POMGNT2: variants seen among roughly 807,000 people sequenced by gnomAD.
POMGNT2 encodes protein O-linked mannose N-acetylglucosaminyltransferase 2 (beta 1,4-).
POMGNT2 carries 32 observed loss-of-function variants against 37.8 expected under a neutral mutation model. The ratio of observed to expected loss-of-function variants is 0.85; its 90% confidence interval spans 0.64 to 1.14. POMGNT2 has a LOEUF of 1.14. Among genes scored for constraint, POMGNT2 ranks in the 50% most tolerant of loss-of-function variants. The pLI is 0.00. For synonymous variants in POMGNT2, 340 were observed against 336.8 expected (o/e 1.01, Z -0.10); for missense variants, 705 against 780.6 (o/e 0.90, Z 1.15).
In POMGNT2 at chr3:43,081,036, G is replaced by C. The variant is rs150567400; in HGVS notation, c.396C>G (p.Phe132Leu). The part of the protein sequence containing the change: ...VEDHNTQYFN[F>L]VELPAAALRF... ...GCAGGGCAGCAGCAGGCAGCTCCAC[G>C]AAGTTGAAGTACTGAGTGTTGTGGT... Residue 132 changes from phenylalanine to leucine, a missense_variant, in exon 2 of 2, where the codon TTC (phenylalanine) becomes TTG (leucine). Physicochemically the swap from Phe to Leu is conservative, Grantham distance 22. Coordinates refer to ENST00000344697, the MANE Select transcript of POMGNT2 (RefSeq NM_032806.6). 139 of 1,614,118 alleles carry C rather than the reference G, an allele frequency of 8.6e-5. No homozygotes were observed. Among genetic ancestry groups the C allele is most frequent in the Non-Finnish European group, 1.1e-4 (128 of 1,180,044 alleles).
Position 43,080,918 on chromosome 3 carries a change from G to A in POMGNT2, c.514C>T (p.Leu172=), listed in dbSNP as rs376364098. Residue 172 remains leucine (L), a synonymous_variant, in exon 2 of 2, where the codon CTG becomes TTG. Transcript: ENST00000344697. ...DNLMHVFHDD[L]LPLFYTLRQF... ...CGCAGGGTGTAGAAGAGTGGCAGCA[G>A]GTCGTCATGAAAGACGTGCATGAGG... 3 of 1,614,130 alleles carry A rather than the reference G, an allele frequency of 1.9e-6. No individual in the cohort carries two copies. Among genetic ancestry groups the A allele is most frequent in the African/African-American group, 2.7e-5 (2 of 75,064 alleles).
intron 1 of POMGNT2, among the ~76,000 whole-genome samples, chr3:43,085,004 T>C (rs369988249): frequency 2.0e-5 from 3 of 151,930 alleles, no homozygotes; most frequent in South Asian, 2.1e-4. Flanking sequence ...AAGGAGAGCA[T>C]TGACTCTTTA....
At chr3:43,083,466 ATTAT>A (rs1342047335) in intron 1 of POMGNT2, among the ~76,000 whole-genome samples, 1 of 152,180 alleles carries the variant, frequency 6.6e-6, no homozygotes, top group African/African-American at 2.4e-5. Context: ...AGGCATCTGC[ATTAT>A]TTGTTTCTTT....
In POMGNT2 at chr3:43,081,282, C is replaced by A; in HGVS notation, c.150G>T (p.Arg50Ser). 1.2e-6 allele frequency: 2 copies of A among 1,613,272 alleles called. No homozygotes were observed. The highest frequency in any genetic ancestry group is 1.7e-6 in the Non-Finnish European group (2 of 1,180,020). The change falls in exon 2 of 2, where the codon AGG becomes AGT. Residue 50 changes from arginine (R) to serine (S), a missense_variant. Arg to Ser is a moderately radical substitution (Grantham distance 110). Coordinates refer to ENST00000344697, the MANE Select transcript of POMGNT2 (RefSeq NM_032806.6). ...RQATEPAPAL[R>S]IDYPKALQIL... ...TCTGCAGTGCCTTCGGGTAGTCGAT[C>A]CTCAGTGCTGGGGCTGGCTCTGTGG...
At chr3:43,092,858 T>C (rs2089953846) in intron 1 of POMGNT2, among the ~76,000 whole-genome samples, 2 of 152,110 alleles carry the variant, frequency 1.3e-5, no homozygotes, top group African/African-American at 4.8e-5. Flanking sequence ...TAACAAGAAA[T>C]AAATCGATAT....
chr3:43,098,559 A>C lies in POMGNT2; in HGVS notation c.-106+7277T>G, dbSNP rs186140100. On this transcript the variant is annotated intron_variant, in intron 1 of 1. Transcript: ENST00000344697. The surrounding 1 kb of genome is among the most constrained non-coding windows in gnomAD (Gnocchi z 4.3). ...TAAAACTTAACACATTTAATTATCA[A>C]GGCATATTTAACATTTAGTTAAGGG... is the stretch of plus-strand genomic sequence containing the variant. Among the ~76,000 whole-genome samples the C allele has an allele frequency of 6.6e-6, 1 of 152,342 alleles. No individual in the cohort carries two copies. The highest frequency in any genetic ancestry group is 6.5e-5 in the Admixed American group (1 of 15,304).
At chr3:43,100,845 T>C (rs541461783) in intron 1 of POMGNT2, among the ~76,000 whole-genome samples, 6 of 152,320 alleles carry the variant, frequency 3.9e-5, no homozygotes, top group African/African-American at 1.2e-4. Flanking sequence ...TGTTTTCTCA[T>C]GATTAGGTTC....
chr3:43,101,166 A>T (rs2090015991), intron 1 of POMGNT2, among the ~76,000 whole-genome samples: 1 of 152,206 alleles, frequency 6.6e-6, no homozygotes, highest in African/African-American at 2.4e-5. Flanking sequence ...CCCAAGCCCT[A>T]GGCACAAGTG....
rs780220486 is a variant in POMGNT2, at chr3:43,079,843, C to A, written c.1589G>T (p.Gly530Val). 6.2e-7 allele frequency: 1 copy of A among 1,614,188 alleles called. No individual in the cohort carries two copies. The highest frequency in any genetic ancestry group is 8.5e-7 in the Non-Finnish European group (1 of 1,180,034). The change falls in exon 2 of 2, where the codon GGG becomes GTG. Residue 530 changes from glycine (G) to valine (V), a missense_variant. By Grantham distance (109) the Gly-to-Val change is moderately radical. Transcript: ENST00000344697. ...GATGTAAGGCACGTAGGTGTTCTCC[C>A]CCTGCTCCTGCAGCCACACCTCGTA... ...VKYEVWLQEQ[G>V]ENTYVPYILA...
chr3:43,095,320 C>T (rs1041377910), intron 1 of POMGNT2, among the ~76,000 whole-genome samples: 4 of 152,168 alleles, frequency 2.6e-5, no homozygotes, highest in Admixed American at 1.3e-4. Flanking sequence ...TTAGGATGTG[C>T]GGGTGGGCAT....
rs150404794 is a variant in POMGNT2, at chr3:43,080,604, G to A, written c.828C>T (p.Asn276=). 1.5e-4 allele frequency: 245 copies of A among 1,614,182 alleles called. 1 individual carries two copies. Among genetic ancestry groups the A allele is most frequent in the African/African-American group, 1.3e-3 (98 of 75,060 alleles). Residue 276 remains asparagine (N), a synonymous_variant, in exon 2 of 2, where the codon AAC becomes AAT. Coordinates refer to ENST00000344697, the MANE Select transcript of POMGNT2 (RefSeq NM_032806.6). ...QFARFMTEKL[N]VSHTGVPLGE... is the part of the protein sequence containing the mutation. Reference sequence around the variant, plus strand: ...CTAGGGGGACTCCTGTGTGGCTCACGTTCAGCTTTTCTGTCATGAACCGTG... The same window carrying A: ...CTAGGGGGACTCCTGTGTGGCTCACATTCAGCTTTTCTGTCATGAACCGTG...
chr3:43,090,486 A>T (rs1477751210), intron 1 of POMGNT2: 1 of 152,084 alleles, frequency 6.6e-6, no homozygotes, highest in Non-Finnish European at 1.5e-5. Context: ...GAACCAACTA[A>T]CCTTACCACC....
chr3:43,086,627 T>C lies in POMGNT2; in HGVS notation c.-105-5091A>G, dbSNP rs75391894. On this transcript the variant is annotated intron_variant, in intron 1 of 1. Transcript: ENST00000344697. ...CCTGCAGAACTTCAGATCAGGTCTA[T>C]CACTTTGCTCTGTGACACTGGACAT... is the stretch of plus-strand genomic sequence containing the variant. Among the ~76,000 whole-genome samples the C allele has an allele frequency of 6.9e-3, 1,051 of 152,338 alleles. 12 individuals are homozygous for C. The highest frequency in any genetic ancestry group is 0.024 in the African/African-American group (994 of 41,578).
In POMGNT2 at chr3:43,098,836, A is replaced by T. The variant is rs1159911669; in HGVS notation, c.-106+7000T>A. On this transcript the variant is annotated intron_variant, in intron 1 of 1. Coordinates refer to ENST00000344697, the MANE Select transcript of POMGNT2 (RefSeq NM_032806.6). The surrounding 1 kb of genome is among the most constrained non-coding windows in gnomAD (Gnocchi z 4.3). ...ATAAACCAAGGCTTGAGTGTGGGGC[A>T]GGACGTTCGGCCTTCCACCAGCTCA... 6.7e-6 allele frequency among the ~76,000 whole-genome samples: 1 copy of T among 150,046 alleles called. No individual in the cohort carries two copies. The highest frequency in any genetic ancestry group is 1.5e-5 in the Non-Finnish European group (1 of 67,332).
At chr3:43,081,760 C>T (rs370488297) in intron 1 of POMGNT2, among the ~76,000 whole-genome samples, 10 of 152,340 alleles carry the variant, frequency 6.6e-5, no homozygotes, top group Middle Eastern at 3.4e-3. Context: ...TCCCCACACC[C>T]GACTTTGGGC....
Position 43,081,414 on chromosome 3 carries a change from C to T in POMGNT2, c.18G>A (p.Val6=). Residue 6 remains valine (V), a synonymous_variant, in exon 2 of 2, where the codon GTG becomes GTA. Coordinates refer to ENST00000344697, the MANE Select transcript of POMGNT2 (RefSeq NM_032806.6). ...GCACCGACACCAGGAGGGCGTTGAA[C>T]ACCGCCGAGAGGTGCATCCTAATGC... MHLSA[V]FNALLVSVLA... is the part of the protein sequence containing the mutation. 6.3e-7 allele frequency: 1 copy of T among 1,583,366 alleles called. No individual in the cohort carries two copies. Among genetic ancestry groups the T allele is most frequent in the Non-Finnish European group, 8.6e-7 (1 of 1,166,462 alleles).
intron 1 of POMGNT2, among the ~76,000 whole-genome samples, chr3:43,091,777 C>A (rs1437077976): frequency 1.3e-5 from 2 of 152,232 alleles, no homozygotes; most frequent in African/African-American, 4.8e-5. Flanking sequence ...TGAGACAAGA[C>A]CTCACTTCTG....
chr3:43,100,974 G>A (rs1166046205), intron 1 of POMGNT2, among the ~76,000 whole-genome samples: 2 of 152,220 alleles, frequency 1.3e-5, no homozygotes, highest in Non-Finnish European at 2.9e-5. Context: ...GAAGGACTGA[G>A]AACCCCTATA....
chr3:43,094,441 T>C (rs769609833), intron 1 of POMGNT2, among the ~76,000 whole-genome samples: 1 of 152,212 alleles, frequency 6.6e-6, no homozygotes, highest in Non-Finnish European at 1.5e-5. Flanking sequence ...TGTGGGGCTA[T>C]CACAGCCTGG....
Sources: gnomAD v4.1 joint callset for allele counts (sites outside exome capture counted in the v4.1 genomes callset) on GRCh38, gnomAD v4.1.1 for gene constraint, Gnocchi (gnomAD v3.1) non-coding constraint, MANE v1.5 for transcripts, NCBI Gene and HGNC (gene_info 2026-07-23, HGNC 2026-07-21) for gene names.